NFATC1: variants seen among roughly 807,000 people sequenced by gnomAD.
NFATC1 encodes nuclear factor of activated T-cells, cytoplasmic 1.
NFATC1 carries 22 observed loss-of-function variants against 76.0 expected under a neutral mutation model. The observed-to-expected ratio is 0.29, with a 90% CI of 0.21 to 0.41. The LOEUF is 0.41. Among genes scored for constraint, NFATC1 ranks in the 10% least tolerant of loss-of-function variants. The probability of loss-of-function intolerance (pLI) is 1.00; values close to 1 mark genes in which losing one functional copy is unlikely to be tolerated. For missense variants in NFATC1, 1,357 were observed against 1,337.7 expected, an observed-to-expected ratio of 1.01 and a Z score of -0.23; for synonymous variants, 704 against 613.1, an observed-to-expected ratio of 1.15 and a Z score of -2.19.
chr18:79,398,655 C>T (rs547969288), intron 1 of NFATC1, among the ~76,000 whole-genome samples: 1 of 152,256 alleles, frequency 6.6e-6, no homozygotes, highest in African/African-American at 2.4e-5. Flanking sequence ...GCAGGGCCCG[C>T]GGCCTGGGGC....
At chr18:79,462,130 G>C (rs1173372640) in intron 7 of NFATC1, among the ~76,000 whole-genome samples, 1 of 152,138 alleles carries the variant, frequency 6.6e-6, no homozygotes, top group East Asian at 1.9e-4. Context: ...ATGACCTTTT[G>C]TGTGGATGGC....
At chr18:79,514,364 C>T (rs1468785546) in intron 9 of NFATC1, among the ~76,000 whole-genome samples, 1 of 151,816 alleles carries the variant, frequency 6.6e-6, no homozygotes, top group Non-Finnish European at 1.5e-5. Flanking sequence ...CACACGAGCC[C>T]AGGAGTTCCA....
Position 79,469,240 on chromosome 18 carries a change from T to G in NFATC1, c.2092+1658T>G, listed in dbSNP as rs755702908. 8.2e-6 allele frequency: 6 copies of G among 733,276 alleles called. No homozygotes were observed. The South Asian group carries it at 1.8e-4, about 22-fold the overall frequency. 45.4% of individuals were successfully genotyped at this position (733,276 alleles called of 1,614,324 possible). The stretch of plus-strand genomic sequence containing the variant: ...ACTTCAAGCATGGTTGACCAGAAAT[T>G]GAATGTTTTAAAGAAAACCTAGGCC... On this transcript the variant is annotated intron_variant, in intron 8 of 9. Coordinates refer to ENST00000427363, the MANE Select transcript of NFATC1 (RefSeq NM_001278669.2).
At chr18:79,460,840 A>G (rs1292828821) in intron 6 of NFATC1, among the ~76,000 whole-genome samples, 1 of 152,116 alleles carries the variant, frequency 6.6e-6, no homozygotes, top group African/African-American at 2.4e-5. Context: ...TGGGAACTGC[A>G]GAGCCGGGTC....
chr18:79,488,154 C>T (rs73496377), intron 9 of NFATC1, among the ~76,000 whole-genome samples: 1,831 of 152,282 alleles, frequency 0.012, 46 homozygotes, highest in African/African-American at 0.042. Context: ...AAACGCCTTC[C>T]TGCTGTTTCC....
intron 1 of NFATC1, among the ~76,000 whole-genome samples, chr18:79,400,066 G>A (rs117314773): frequency 0.23 from 34,554 of 151,426 alleles, 4,122 homozygotes; most frequent in East Asian, 0.41. Context: ...CCCCGGGTCC[G>A]GAGGAGCCTG....
At chr18:79,456,398 C>T (rs2087727063) in intron 6 of NFATC1, among the ~76,000 whole-genome samples, 1 of 152,212 alleles carries the variant, frequency 6.6e-6, no homozygotes, top group South Asian at 2.1e-4. Flanking sequence ...CCTCCGGGCT[C>T]ACCTTCAGGT....
chr18:79,521,343 G>A (rs934728284), intron 9 of NFATC1, among the ~76,000 whole-genome samples: 13 of 101,260 alleles, frequency 1.3e-4, no homozygotes, highest in East Asian at 3.7e-4. Context: ...GTGTGTGTAG[G>A]GGGGGAGCAT....
intron 8 of NFATC1, among the ~76,000 whole-genome samples, chr18:79,476,022 G>A (rs2089053239): frequency 6.6e-6 from 1 of 152,190 alleles, no homozygotes; most frequent in Admixed American, 6.5e-5. Context: ...CAGAAGGGGG[G>A]TGGGGCCGGG....
At chr18:79,419,763 G>T (rs1226392282) in intron 2 of NFATC1, among the ~76,000 whole-genome samples, 1 of 152,248 alleles carries the variant, frequency 6.6e-6, no homozygotes. Context: ...GTTGGCTTTT[G>T]AGCAGCGGGA....
chr18:79,414,813 C>T (rs1220922099), intron 2 of NFATC1, among the ~76,000 whole-genome samples: 2 of 152,184 alleles, frequency 1.3e-5, no homozygotes, highest in Non-Finnish European at 2.9e-5. Flanking sequence ...AGCAAGTGGC[C>T]TCCCAGGGCA....
At chr18:79,423,298 C>G (rs2086165412) in intron 2 of NFATC1, among the ~76,000 whole-genome samples, 1 of 152,238 alleles carries the variant, frequency 6.6e-6, no homozygotes, top group East Asian at 1.9e-4. Flanking sequence ...CGGTCTGTGG[C>G]TTTGACTTTG....
At chr18:79,509,710 A>C (rs551818172) in intron 9 of NFATC1, among the ~76,000 whole-genome samples, 4 of 152,342 alleles carry the variant, frequency 2.6e-5, no homozygotes, top group East Asian at 1.9e-4. Flanking sequence ...TCTGAGCTGA[A>C]CACCCATGAC....
Position 79,411,413 on chromosome 18 carries a change from G to C in NFATC1, c.1138G>C (p.Gly380Arg). 6.4e-7 allele frequency: 1 copy of C among 1,555,874 alleles called. No individual in the cohort carries two copies. Among genetic ancestry groups the C allele is most frequent in the Non-Finnish European group, 8.7e-7 (1 of 1,154,140 alleles). The change falls in exon 2 of 10, where the codon GGC (glycine) becomes CGC (arginine). Residue 380 changes from glycine to arginine, a missense_variant. Physicochemically the swap from Gly to Arg is moderately radical, Grantham distance 125. Coordinates refer to ENST00000427363, the MANE Select transcript of NFATC1 (RefSeq NM_001278669.2). ...CTCCTCTTTCCAGCACATCAGGAAG[G>C]GCGGCTTCTGCGACCAGTACCTGGC... ...DYSSFQHIRK[G>R]GFCDQYLAVP...
At chr18:79,423,856 C>G (rs953779776) in intron 2 of NFATC1, among the ~76,000 whole-genome samples, 1 of 152,340 alleles carries the variant, frequency 6.6e-6, no homozygotes, top group East Asian at 1.9e-4. Context: ...AGGCCCTGCC[C>G]GCAGCCTCAG....
intron 9 of NFATC1, chr18:79,527,166 T>G: frequency 5.1e-6 from 1 of 194,338 alleles, no homozygotes; most frequent in Non-Finnish European, 1.1e-5. Flanking sequence ...GCGACACTGG[T>G]GCTGACACCA....
intron 2 of NFATC1, among the ~76,000 whole-genome samples, chr18:79,432,868 A>G (rs1600697624): frequency 6.6e-6 from 1 of 152,174 alleles, no homozygotes; most frequent in African/African-American, 2.4e-5. Context: ...CTGAAAAGAC[A>G]GGGGCCGTGG....
At position 79,524,315 on chromosome 18, in the gene NFATC1, C is replaced by T. The variant is rs374665666; in HGVS notation, c.2783-3213C>T. On this transcript the variant is annotated intron_variant, in intron 9 of 9. Coordinates refer to ENST00000427363, the MANE Select transcript of NFATC1 (RefSeq NM_001278669.2). The surrounding 1 kb of genome is among the most constrained non-coding windows in gnomAD (Gnocchi z 7.2). ...TACGGCACAGGCCGTGTCTGCGGGG[C>T]GAGCACGGCTCCACGTACGGCTCTC... is the stretch of plus-strand genomic sequence containing the variant. Among the ~76,000 whole-genome samples the T allele has an allele frequency of 1.7e-4, 26 of 152,372 alleles. No homozygotes were observed. The East Asian group carries it at 3.5e-3, about 20-fold the overall frequency.
At chr18:79,508,153 C>T (rs1268796893) in intron 9 of NFATC1, among the ~76,000 whole-genome samples, 1 of 152,124 alleles carries the variant, frequency 6.6e-6, no homozygotes, top group Non-Finnish European at 1.5e-5. Context: ...AGATTGTTTT[C>T]TGGGATTCCC....
Sources: allele counts gnomAD v4.1 joint callset (sites outside exome capture counted in the v4.1 genomes callset), GRCh38; gene constraint gnomAD v4.1.1; non-coding constraint Gnocchi (gnomAD v3.1); transcripts MANE v1.5; gene names NCBI Gene and HGNC (gene_info 2026-07-23, HGNC 2026-07-21).